CDKAL1: variants seen among roughly 807,000 people sequenced by gnomAD.
The protein encoded by CDKAL1 is CDKAL1 threonylcarbamoyladenosine tRNA methylthiotransferase.
CDKAL1 carries 32 observed loss-of-function variants against 68.2 expected under a neutral mutation model. That is an observed-to-expected ratio of 0.47 (90% CI 0.35 to 0.63). The LOEUF (loss-of-function observed/expected upper bound fraction) is 0.63, where lower values mean the gene tolerates loss of function less well. Ranked by LOEUF, CDKAL1 falls within the 30% of genes least tolerant of loss-of-function variation. The pLI is 0.00. For missense variants in CDKAL1, 606 were observed against 696.7 expected, an observed-to-expected ratio of 0.87 and a Z score of 1.47; for synonymous variants, 234 against 244.3, an observed-to-expected ratio of 0.96 and a Z score of 0.39.
At chr6:20,884,470 C>T (rs1760973873) in intron 9 of CDKAL1, among the ~76,000 whole-genome samples, 1 of 152,272 alleles carries the variant, frequency 6.6e-6, no homozygotes, top group South Asian at 2.1e-4. Flanking sequence ...CTGCTTTCTC[C>T]ATTGCTATTC....
At chr6:21,059,220 T>TGG (rs1304698729) in intron 11 of CDKAL1, among the ~76,000 whole-genome samples, 1 of 152,206 alleles carries the variant, frequency 6.6e-6, no homozygotes, top group East Asian at 1.9e-4. Context: ...TGCTGCATTG[T>TGG]GGGGAGTTCC....
At chr6:21,074,770 G>A (rs576651567) in intron 12 of CDKAL1, among the ~76,000 whole-genome samples, 79 of 152,066 alleles carry the variant, frequency 5.2e-4, no homozygotes, top group African/African-American at 1.9e-3. Context: ...TGCAAAATGG[G>A]TAGCAGTTTT....
chr6:20,857,305 C>G (rs1759386970), intron 9 of CDKAL1, among the ~76,000 whole-genome samples: 1 of 151,998 alleles, frequency 6.6e-6, no homozygotes, highest in African/African-American at 2.4e-5. Flanking sequence ...AGTTTTTAAC[C>G]TGTGACAATA....
intron 6 of CDKAL1, among the ~76,000 whole-genome samples, chr6:20,753,957 ATGTGTGTGTGTGTGTG>A (rs112105313): frequency 2.7e-5 from 4 of 147,702 alleles, no homozygotes; most frequent in African/African-American, 1.0e-4. Flanking sequence ...TATTATCTGT[ATGTGTGTGTGTGTGTG>A]TGTGTGTGTG....
At chr6:20,917,530 A>G (rs771015514) in intron 9 of CDKAL1, among the ~76,000 whole-genome samples, 1 of 152,024 alleles carries the variant, frequency 6.6e-6, no homozygotes, top group Admixed American at 6.6e-5. Context: ...TTTTTATTTC[A>G]GTAGGTTTCT....
intron 4 of CDKAL1, among the ~76,000 whole-genome samples, chr6:20,632,163 T>C (rs1767701121): frequency 6.6e-6 from 1 of 152,212 alleles, no homozygotes; most frequent in African/African-American, 2.4e-5. Flanking sequence ...ACATCATAGC[T>C]TAGCCCATCC....
chr6:20,892,116 A>C (rs1761441132), intron 9 of CDKAL1, among the ~76,000 whole-genome samples: 1 of 152,208 alleles, frequency 6.6e-6, no homozygotes. Context: ...TGGTTAAGGT[A>C]ATGAAGAAGA....
chr6:20,880,002 C>G (rs1260520856), intron 9 of CDKAL1, among the ~76,000 whole-genome samples: 3 of 152,122 alleles, frequency 2.0e-5, no homozygotes, highest in Non-Finnish European at 4.4e-5. Flanking sequence ...TTTTAATTCT[C>G]TTAGAGGTTG....
At chr6:21,141,353 C>T (rs1775900046) in intron 13 of CDKAL1, among the ~76,000 whole-genome samples, 1 of 152,222 alleles carries the variant, frequency 6.6e-6, no homozygotes, top group Non-Finnish European at 1.5e-5. Context: ...CAAACCCAGC[C>T]TGGAATATGT....
At chr6:21,080,076 CTT>C (rs751605718) in intron 12 of CDKAL1, among the ~76,000 whole-genome samples, 1 of 128,206 alleles carries the variant, frequency 7.8e-6, no homozygotes, top group Non-Finnish European at 1.7e-5. Flanking sequence ...TTGGATCATT[CTT>C]TTTTTTTTTT....
rs59244637 is a variant in CDKAL1, at chr6:20,750,951, GAAAAAAAAAAAAAAA to G, written c.469-7624_469-7610del. Among the ~76,000 whole-genome samples the G allele has an allele frequency of 2.8e-3, 130 of 47,092 alleles. 1 individual carries two copies. In the South Asian group the frequency reaches 0.034, roughly 12 times the overall value. 30.9% of individuals were successfully genotyped at this position (47,092 alleles called of 152,430 possible). A position where few individuals can be genotyped will look rare whatever the true frequency, so the allele number is the denominator to read the frequency against. ...TGCACTCCAGGCTGAGCAACAGAGT[GAAAAAAAAAAAAAAA>G]AAAAAAAAAAAAAAAAAAAGAAGTA... On this transcript the variant is annotated intron_variant, in intron 6 of 15. Coordinates refer to ENST00000274695, the MANE Select transcript of CDKAL1 (RefSeq NM_017774.3).
intron 10 of CDKAL1, among the ~76,000 whole-genome samples, chr6:20,977,601 G>GCCTATATAAATTC (rs1765903682): frequency 2.6e-5 from 4 of 152,174 alleles, no homozygotes; most frequent in African/African-American, 9.7e-5. Flanking sequence ...GGCTGGGCAT[G>GCCTATATAAATTC]GTGCTTCATG....
At chr6:20,717,714 T>C (rs1400267272) in intron 5 of CDKAL1, among the ~76,000 whole-genome samples, 1 of 152,208 alleles carries the variant, frequency 6.6e-6, no homozygotes. Context: ...GTTAGCAATA[T>C]ATGTCTGAAT....
intron 9 of CDKAL1, among the ~76,000 whole-genome samples, chr6:20,854,318 C>T (rs1393453687): frequency 3.3e-5 from 5 of 152,226 alleles, no homozygotes; most frequent in Middle Eastern, 3.4e-3. Context: ...TTCTGAATCC[C>T]GAGGCTTCTG....
chr6:20,948,123 C>A (rs1168795718), intron 9 of CDKAL1, among the ~76,000 whole-genome samples: 2 of 151,006 alleles, frequency 1.3e-5, no homozygotes, highest in Non-Finnish European at 2.9e-5. Context: ...GTCTAGTGAT[C>A]CTCCTGCCTG....
chr6:20,866,755 C>A (rs1449426274), intron 9 of CDKAL1, among the ~76,000 whole-genome samples: 2 of 152,108 alleles, frequency 1.3e-5, no homozygotes, highest in African/African-American at 4.8e-5. Flanking sequence ...TTGACTGTGA[C>A]AGTAACACCA....
At chr6:20,788,709 T>A (rs1775775607) in intron 8 of CDKAL1, among the ~76,000 whole-genome samples, 1 of 152,202 alleles carries the variant, frequency 6.6e-6, no homozygotes, top group Non-Finnish European at 1.5e-5. Context: ...TATCTTCTAC[T>A]CTACCGTCAT....
chr6:20,714,119 T>TA (rs981432297), intron 5 of CDKAL1, among the ~76,000 whole-genome samples: 5 of 151,758 alleles, frequency 3.3e-5, no homozygotes, highest in African/African-American at 4.8e-5. Flanking sequence ...TTCTTTTTTT[T>TA]ATCATAATAA....
chr6:20,871,796 A>G (rs1163346083), intron 9 of CDKAL1, among the ~76,000 whole-genome samples: 1 of 152,098 alleles, frequency 6.6e-6, no homozygotes, highest in Non-Finnish European at 1.5e-5. Flanking sequence ...TGCATGTACT[A>G]TTTTGTCTGA....
Sources: allele counts gnomAD v4.1 joint callset (sites outside exome capture counted in the v4.1 genomes callset), GRCh38; gene constraint gnomAD v4.1.1; transcripts MANE v1.5; gene names NCBI Gene and HGNC (gene_info 2026-07-23, HGNC 2026-07-21).